The following RSPH14 variants were observed in gnomAD, a reference collection of about 807,000 sequenced individuals.
The protein encoded by RSPH14 is rhabdoid tumor deletion region gene 1.
In RSPH14, 20 loss-of-function variants were observed where a neutral mutation model predicts 26.7. The observed-to-expected ratio is 0.75, with a 90% CI of 0.53 to 1.09. RSPH14 has a LOEUF of 1.09. Ranked by LOEUF, RSPH14 falls within the 50% of genes least tolerant of loss-of-function variation. The pLI, the probability that RSPH14 is intolerant of heterozygous loss-of-function variation, is 0.00. For synonymous variants in RSPH14, 177 were observed against 189.3 expected, an observed-to-expected ratio of 0.93 and a Z score of 0.53; for missense variants, 449 against 457.2, an observed-to-expected ratio of 0.98 and a Z score of 0.16.
chr22:23,090,285 C>G (rs1056141546), intron 4 of RSPH14, among the ~76,000 whole-genome samples: 2 of 152,094 alleles, frequency 1.3e-5, no homozygotes, highest in East Asian at 3.9e-4. Flanking sequence ...GTTCCCTGAT[C>G]GTCTCCCTGT....
rs533825229 is a variant in RSPH14, at chr22:23,065,815, G to A, written c.422-1682C>T. ...AACACTGAGTCCCAGCTACAAGCAA[G>A]GGCCTGCTGGAGGCTGAGGAGTAGG... On this transcript the variant is annotated intron_variant, in intron 4 of 6. Coordinates refer to ENST00000216036, the MANE Select transcript of RSPH14 (RefSeq NM_014433.3). 2.0e-5 allele frequency among the ~76,000 whole-genome samples: 3 copies of A among 152,276 alleles called. 1 individual carries two copies. The highest frequency in any genetic ancestry group is 7.2e-5 in the African/African-American group (3 of 41,552).
the RSPH14 span, chr22:23,159,322 C>T: frequency 7.1e-7 from 1 of 1,402,300 alleles, no homozygotes; most frequent in Non-Finnish European, 9.7e-7. Context: ...GTGGGGCCTG[C>T]CATGCAGTGT....
At chr22:23,109,760 C>T (rs1273384788) in intron 4 of RSPH14, among the ~76,000 whole-genome samples, 1 of 152,212 alleles carries the variant, frequency 6.6e-6, no homozygotes, top group Non-Finnish European at 1.5e-5. Flanking sequence ...ATGGAAACAG[C>T]TGCCCCAGCC....
At chr22:23,160,647 T>G in the RSPH14 span, among the ~76,000 whole-genome samples, 3 of 151,088 alleles carry the variant, frequency 2.0e-5, no homozygotes, top group Admixed American at 2.0e-4. Flanking sequence ...GGGGTGGGAG[T>G]TGGGAGGCTG....
chr22:23,117,889 A>G, intron 4 of RSPH14, among the ~76,000 whole-genome samples: 1 of 152,140 alleles, frequency 6.6e-6, no homozygotes, highest in East Asian at 1.9e-4. Flanking sequence ...CACCACCCCC[A>G]CAACTAACCA....
At chr22:23,123,944 G>A (rs572550856) in intron 4 of RSPH14, 1 of 210,822 alleles carries the variant, frequency 4.7e-6, no homozygotes, top group Non-Finnish European at 9.7e-6. Context: ...TTCCCTGCTG[G>A]CCTGCACACA....
At chr22:23,151,356 C>T in the RSPH14 span, among the ~76,000 whole-genome samples, 1 of 152,186 alleles carries the variant, frequency 6.6e-6, no homozygotes, top group African/African-American at 2.4e-5. Flanking sequence ...AACACCTTTA[C>T]TCATTCATAG....
intron 4 of RSPH14, among the ~76,000 whole-genome samples, chr22:23,072,682 G>A (rs2146243458): frequency 6.6e-6 from 1 of 152,364 alleles, no homozygotes; most frequent in Admixed American, 6.5e-5. Context: ...GCTGAGCAGG[G>A]TGAGCTGCTG....
chr22:23,112,891 G>T (rs1435197529), intron 4 of RSPH14, among the ~76,000 whole-genome samples: 2 of 152,200 alleles, frequency 1.3e-5, no homozygotes, highest in Non-Finnish European at 2.9e-5. Flanking sequence ...CACAGCTCCA[G>T]CTGGGCAGAG....
At chr22:23,061,996 C>T (rs369219804) in intron 5 of RSPH14, 51 bp from the exon 6 acceptor site, 27 of 1,608,694 alleles carry the variant, frequency 1.7e-5, no homozygotes, top group South Asian at 5.5e-5. Context: ...GGAGAAGAGG[C>T]GCAAGGCCCA....
intron 2 of RSPH14, among the ~76,000 whole-genome samples, chr22:23,139,291 T>G (rs2070545859): frequency 6.6e-6 from 1 of 152,260 alleles, no homozygotes; most frequent in Non-Finnish European, 1.5e-5. Flanking sequence ...TGACTTTGAG[T>G]GGGTTACACC....
chr22:23,150,013 G>A (rs369887833), upstream of RSPH14: 30 of 1,443,472 alleles, frequency 2.1e-5, no homozygotes, highest in Admixed American at 1.2e-4. Flanking sequence ...CTACGAGGGC[G>A]GAGCCACAGC....
intron 4 of RSPH14, among the ~76,000 whole-genome samples, chr22:23,089,851 C>T (rs1272364034): frequency 6.6e-6 from 1 of 152,110 alleles, no homozygotes. Context: ...CAGGATGGAG[C>T]TCCTTAAGAG....
upstream of RSPH14, chr22:23,145,814 A>G (rs1197433207): frequency 3.4e-6 from 1 of 293,520 alleles, no homozygotes; most frequent in African/African-American, 2.3e-5. Context: ...CCTGGAGAGG[A>G]GTCCGGACAG....
intron 4 of RSPH14, among the ~76,000 whole-genome samples, chr22:23,066,732 C>T (rs1438859287): frequency 1.3e-5 from 2 of 152,088 alleles, no homozygotes; most frequent in Admixed American, 6.6e-5. Flanking sequence ...CCCAACTGGG[C>T]GGCAGCCTGA....
At chr22:23,102,025 G>A (rs1350801972) in intron 4 of RSPH14, among the ~76,000 whole-genome samples, 1 of 152,238 alleles carries the variant, frequency 6.6e-6, no homozygotes, top group Non-Finnish European at 1.5e-5. Context: ...CCTCAAGAGG[G>A]CTGGGCACAC....
At chr22:23,128,189 A>G (rs1026952393) in intron 4 of RSPH14, among the ~76,000 whole-genome samples, 2 of 152,232 alleles carry the variant, frequency 1.3e-5, no homozygotes, top group African/African-American at 4.8e-5. Flanking sequence ...AAATCTGGTT[A>G]GAGAAGAATT....
chr22:23,087,395 T>C (rs116044602), intron 4 of RSPH14, among the ~76,000 whole-genome samples: 3,946 of 151,724 alleles, frequency 0.026, 175 homozygotes, highest in African/African-American at 0.091. Context: ...GCCCGGGGGG[T>C]TGAGGCTGCA....
intron 4 of RSPH14, among the ~76,000 whole-genome samples, chr22:23,132,059 T>A (rs1332672815): frequency 6.6e-6 from 1 of 152,218 alleles, no homozygotes; most frequent in Admixed American, 6.5e-5. Flanking sequence ...TGCTCACGCC[T>A]GGCCTTGAAT....
Sources: allele counts gnomAD v4.1 joint callset (sites outside exome capture counted in the v4.1 genomes callset), GRCh38; gene constraint gnomAD v4.1.1; transcripts MANE v1.5; gene names NCBI Gene and HGNC (gene_info 2026-07-23, HGNC 2026-07-21).